BRSK2: variants seen among roughly 807,000 people sequenced by gnomAD.
BRSK2 encodes the protein serine/threonine-protein kinase BRSK2.
In BRSK2, 19 loss-of-function variants were observed where a neutral mutation model predicts 83.3. The ratio of observed to expected loss-of-function variants is 0.23; its 90% CI spans 0.16 to 0.33. BRSK2 has a LOEUF of 0.33. Ranked by LOEUF, BRSK2 falls within the 10% of genes least tolerant of loss-of-function variation. The pLI, the probability that BRSK2 is intolerant of heterozygous loss-of-function variation, is 1.00. For synonymous variants in BRSK2, 519 were observed against 435.4 expected (o/e 1.19, Z -2.39); for missense variants, 798 against 1,042.3 (o/e 0.77, Z 3.23).
chr11:1,436,428 C>T (rs1850307043), intron 2 of BRSK2, among the ~76,000 whole-genome samples: 2 of 152,290 alleles, frequency 1.3e-5, no homozygotes, highest in East Asian at 3.9e-4. Flanking sequence ...TGCTAGCAGG[C>T]GGGGCTTCAG....
chr11:1,460,476 T>C, intron 19 of BRSK2, 24 bp from the exon 20 acceptor site: 2 of 1,303,072 alleles, frequency 1.5e-6, no homozygotes, highest in Non-Finnish European at 2.0e-6. Flanking sequence ...TTTTTTTTTT[T>C]TTGTCTCTGT....
chr11:1,397,111 A>C (rs1006844628), intron 1 of BRSK2, among the ~76,000 whole-genome samples: 2 of 152,200 alleles, frequency 1.3e-5, no homozygotes, highest in Non-Finnish European at 1.5e-5. Flanking sequence ...TCCTCTGTGC[A>C]GGGCAGCCCC....
Position 1,446,899 on chromosome 11 carries a change from T to G in BRSK2, c.1226+992T>G, listed in dbSNP as rs550614910. On this transcript the variant is annotated intron_variant, in intron 12 of 19. Transcript: ENST00000528841. The stretch of plus-strand genomic sequence containing the variant: ...GGGCCCCCTCCTTGTACTGGAGATG[T>G]GGGGGGTGGGACAGGCGTGGCCTGT... Among the ~76,000 whole-genome samples, 5 of 152,122 alleles carry G rather than the reference T, an allele frequency of 3.3e-5. No homozygotes were observed. In the South Asian group the frequency reaches 6.2e-4, roughly 19 times the overall value.
chr11:1,446,154 G>T (rs1374319844), intron 12 of BRSK2, among the ~76,000 whole-genome samples: 1 of 149,692 alleles, frequency 6.7e-6, no homozygotes, highest in East Asian at 2.0e-4. Context: ...ACTGGGCTAG[G>T]CTGAGCTGGG....
chr11:1,413,183 T>G (rs1847732885), intron 1 of BRSK2, among the ~76,000 whole-genome samples: 1 of 152,114 alleles, frequency 6.6e-6, no homozygotes, highest in Admixed American at 6.5e-5. Context: ...CCAGCTGCCA[T>G]GAGCTCCCCT....
chr11:1,446,026 G>C lies in BRSK2; in HGVS notation c.1226+119G>C, dbSNP rs1388203117. The C allele has an allele frequency of 5.7e-6, 7 of 1,221,236 alleles. No homozygotes were observed. The South Asian group carries it at 7.3e-5, about 13-fold the overall frequency. 75.6% of individuals were successfully genotyped at this position (1,221,236 alleles called of 1,614,324 possible). A position where few individuals can be genotyped will look rare whatever the true frequency, so the allele number is the denominator to read the frequency against. Reference sequence around the variant, plus strand: ...TCGGCTGAGGCCATTGGGTGGGGCTGTATGGGCTAAACTGGGCTTAGCTGG... The same window carrying C: ...TCGGCTGAGGCCATTGGGTGGGGCTCTATGGGCTAAACTGGGCTTAGCTGG... On this transcript the variant is annotated intron_variant, in intron 12 of 19. Coordinates refer to ENST00000528841, the MANE Select transcript of BRSK2 (RefSeq NM_001256627.2).
At chr11:1,457,478 G>A (rs922419562) in intron 18 of BRSK2, among the ~76,000 whole-genome samples, 3 of 152,172 alleles carry the variant, frequency 2.0e-5, no homozygotes, top group African/African-American at 7.2e-5. Context: ...CTCGGCATAC[G>A]GCAGGGAGGG....
At chr11:1,404,729 C>T (rs1403152978) in intron 1 of BRSK2, among the ~76,000 whole-genome samples, 1 of 152,216 alleles carries the variant, frequency 6.6e-6, no homozygotes. Context: ...CCCTGCCTCT[C>T]CCCTCTCTGC....
At chr11:1,404,309 C>T (rs375816784) in intron 1 of BRSK2, among the ~76,000 whole-genome samples, 3 of 152,310 alleles carry the variant, frequency 2.0e-5, no homozygotes, top group South Asian at 2.1e-4. Context: ...CTTGATGCTG[C>T]CCCTTTTCCT....
Position 1,423,564 on chromosome 11 carries a change from G to A in BRSK2, c.92-12476G>A, listed in dbSNP as rs570500344. Among the ~76,000 whole-genome samples the A allele has an allele frequency of 3.9e-5, 6 of 152,234 alleles. No homozygotes were observed. The East Asian group carries it at 7.7e-4, about 20-fold the overall frequency. On this transcript the variant is annotated intron_variant, in intron 1 of 19. Transcript: ENST00000528841. The surrounding 1 kb of genome is among the most constrained non-coding windows in gnomAD (Gnocchi z 6.5). ...GAGCTCCCTGGGGCTCCTCAGACCC[G>A]GTCACCGAACAGCAGAGACGTGCTC...
chr11:1,443,217 C>T (rs1040064010), intron 6 of BRSK2, 78 bp downstream of exon 6: 16 of 1,517,926 alleles, frequency 1.1e-5, no homozygotes, highest in East Asian at 2.5e-5. Flanking sequence ...CCCAGCCTGC[C>T]GCACCCCCAG....
At chr11:1,437,430 C>A (rs1184200613) in intron 2 of BRSK2, among the ~76,000 whole-genome samples, 4 of 152,166 alleles carry the variant, frequency 2.6e-5, no homozygotes, top group African/African-American at 9.7e-5. Flanking sequence ...TTGTGCTGGG[C>A]GGAGCACCAG....
intron 1 of BRSK2, among the ~76,000 whole-genome samples, chr11:1,395,903 G>T (rs533135660): frequency 4.6e-5 from 7 of 152,342 alleles, no homozygotes; most frequent in Non-Finnish European, 1.0e-4. Context: ...AGGGAGTTGT[G>T]TCCAGAACCA....
At chr11:1,449,135 C>T (rs1334315974) in intron 12 of BRSK2, among the ~76,000 whole-genome samples, 2 of 152,194 alleles carry the variant, frequency 1.3e-5, no homozygotes, top group East Asian at 1.9e-4. Flanking sequence ...CGGCCACACA[C>T]CGGAGTCTCA....
Position 1,390,146 on chromosome 11 carries a change from CGGCGCGAAGCAGCGGGGCCCGCGGGG to C in BRSK2, c.-137_-112del. On this transcript the variant is annotated 5_prime_UTR_variant, in exon 1 of 20. Transcript: ENST00000528841. The surrounding 1 kb of genome is among the most constrained non-coding windows in gnomAD (Gnocchi z 6.8). Reference sequence around the variant, plus strand: ...GGGCGGCGGCGCGGGCGGACGCGGGCGGCGCGAAGCAGCGGGGCCCGCGGGGGCGCCCCGGCCGGGTCGGCGCGGAC... The same window carrying C: ...GGGCGGCGGCGCGGGCGGACGCGGGCGCGCCCCGGCCGGGTCGGCGCGGAC... The C allele has an allele frequency of 4.5e-6, 1 of 221,902 alleles. No individual in the cohort carries two copies. The highest frequency in any genetic ancestry group is 7.4e-6 in the Non-Finnish European group (1 of 135,578). The allele number at this position is 221,902 out of a possible 1,614,324, so 13.7% of individuals were successfully genotyped here.
At chr11:1,445,510 T>C (rs2133121122) in intron 10 of BRSK2, 52 bp downstream of exon 10, 2 of 1,605,818 alleles carry the variant, frequency 1.2e-6, no homozygotes, top group Non-Finnish European at 1.7e-6. Flanking sequence ...GTGGGAGCGC[T>C]GCCCCGGAGG....
At chr11:1,445,945 G>A in intron 12 of BRSK2, 38 bp downstream of exon 12, 2 of 1,571,784 alleles carry the variant, frequency 1.3e-6, no homozygotes, top group Admixed American at 1.8e-5. Context: ...TCCCTCCCTG[G>A]GCCCTGGCTG....
chr11:1,408,693 G>T (rs1204500351), intron 1 of BRSK2, among the ~76,000 whole-genome samples: 1 of 152,174 alleles, frequency 6.6e-6, no homozygotes, highest in African/African-American at 2.4e-5. Flanking sequence ...CTGAGAGTGA[G>T]TCAGGTGGGG....
At position 1,451,375 on chromosome 11, in the gene BRSK2, G is replaced by A. The variant is rs3793971; in HGVS notation, c.1500G>A (p.Pro500=). The stretch of plus-strand genomic sequence containing the variant: ...CTGTTCATCCTGTGTGCACAGTTCC[G>A]ACGCCGGAGGAGATGTCCAACCTGA... ...PRFHRRKLQV[P]TPEEMSNLTP... Residue 500 remains proline, a synonymous_variant, in exon 15 of 20, where the codon CCG becomes CCA. Transcript: ENST00000528841. 2.5e-3 allele frequency: 4,051 copies of A among 1,612,950 alleles called. 17 individuals carry two copies. Among genetic ancestry groups the A allele is most frequent in the Middle Eastern group, 5.1e-3 (31 of 6,058 alleles).
Sources: allele counts gnomAD v4.1 joint callset (sites outside exome capture counted in the v4.1 genomes callset), GRCh38; gene constraint gnomAD v4.1.1; non-coding constraint Gnocchi (gnomAD v3.1); transcripts MANE v1.5; gene names NCBI Gene and HGNC (gene_info 2026-07-23, HGNC 2026-07-21).